LARGE1: variants seen among roughly 807,000 people sequenced by gnomAD.
The protein encoded by LARGE1 is LARGE xylosyl- and glucuronyltransferase 1, also known as xylosyl- and glucuronyltransferase LARGE1.
LARGE1 carries 43 observed loss-of-function variants against 87.6 expected under a neutral mutation model. The ratio of observed to expected loss-of-function variants is 0.49; its 90% confidence interval spans 0.38 to 0.63. The LOEUF (loss-of-function observed/expected upper bound fraction) is 0.63, where lower values mean the gene tolerates loss of function less well. Among genes scored for constraint, LARGE1 ranks in the 30% least tolerant of loss-of-function variants. LARGE1 has a pLI of 0.00. For synonymous variants in LARGE1, 434 were observed against 394.6 expected, an observed-to-expected ratio of 1.10 and a Z score of -1.18; for missense variants, 802 against 1,000.2, an observed-to-expected ratio of 0.80 and a Z score of 2.67.
At chr22:33,215,790 TACTAAAAATACAAA>T (rs1925175234) in intron 11 of LARGE1, among the ~76,000 whole-genome samples, 2 of 152,170 alleles carry the variant, frequency 1.3e-5, no homozygotes, top group Non-Finnish European at 2.9e-5. Context: ...ATCCCGTCTC[TACTAAAAATACAAA>T]GATTAGCCAG....
Position 33,750,660 on chromosome 22 carries a change from C to T in LARGE1, c.106+10711G>A, listed in dbSNP as rs146187955. 1.2e-4 allele frequency: 18 copies of T among 151,632 alleles called. No individual in the cohort carries two copies. In the East Asian group the frequency reaches 3.3e-3, roughly 28 times the overall value. The allele number at this position is 151,632 out of a possible 1,614,324, so 9.4% of individuals were successfully genotyped here. On this transcript the variant is annotated intron_variant, in intron 2 of 14. Coordinates refer to ENST00000397394, the MANE Select transcript of LARGE1 (RefSeq NM_133642.5). ...TGAATAACACAAAGGAGAATATTATCTAATGTGGCTTGGGGTCAATATCAA... is the reference window on the plus strand; with the variant it reads ...TGAATAACACAAAGGAGAATATTATTTAATGTGGCTTGGGGTCAATATCAA...
intron 4 of LARGE1, among the ~76,000 whole-genome samples, chr22:33,625,423 A>G (rs907116314): frequency 1.3e-5 from 2 of 152,188 alleles, no homozygotes; most frequent in African/African-American, 2.4e-5. Context: ...AGAAGAACCA[A>G]TCCTTAGGAT....
At chr22:33,745,281 T>C (rs2084038164) in intron 2 of LARGE1, among the ~76,000 whole-genome samples, 1 of 152,050 alleles carries the variant, frequency 6.6e-6, no homozygotes, top group South Asian at 2.1e-4. Flanking sequence ...CAAGAGCTAT[T>C]AGGAAGAAGA....
At chr22:33,764,341 A>C (rs867111398) in intron 1 of LARGE1, among the ~76,000 whole-genome samples, 2 of 152,152 alleles carry the variant, frequency 1.3e-5, no homozygotes, top group Non-Finnish European at 2.9e-5. Context: ...AGGACCCCCC[A>C]CAGATACCAA....
chr22:33,510,978 T>C (rs1449109859), intron 6 of LARGE1, among the ~76,000 whole-genome samples: 2 of 152,186 alleles, frequency 1.3e-5, no homozygotes, highest in African/African-American at 2.4e-5. Flanking sequence ...AAGGCAAGCA[T>C]ATATACAAAT....
intron 5 of LARGE1, among the ~76,000 whole-genome samples, chr22:33,600,623 A>AGAAATAATCTGTTCAAAGG (rs138805657): frequency 0.085 from 12,928 of 152,194 alleles, 672 homozygotes; most frequent in African/African-American, 0.14. Flanking sequence ...AATAAATAGA[A>AGAAATAATCTGTTCAAAGG]CGCTCTGGTG....
Position 33,283,963 on chromosome 22 carries a change from T to C in LARGE1, c.1731-615A>G, listed in dbSNP as rs572572135. Among the ~76,000 whole-genome samples the C allele has an allele frequency of 1.7e-3, 259 of 151,684 alleles. 4 individuals carry two copies. Among genetic ancestry groups the C allele is most frequent in the African/African-American group, 6.1e-3 (250 of 41,318 alleles). ...GAAAAGGAAAAGAAAAGAAGAAAGA[T>C]GGGGAGCCCTGGGAGGCAAAGCAAG... On this transcript the variant is annotated intron_variant, in intron 12 of 14. Transcript: ENST00000397394.
At chr22:33,154,293 T>G in the LARGE1 span, among the ~76,000 whole-genome samples, 3 of 152,270 alleles carry the variant, frequency 2.0e-5, no homozygotes, top group East Asian at 3.9e-4. Context: ...CAGGTTGGAG[T>G]GCAGTGGCAT....
intron 7 of LARGE1, among the ~76,000 whole-genome samples, chr22:33,398,092 T>A (rs1490168399): frequency 1.3e-5 from 2 of 152,078 alleles, no homozygotes; most frequent in Non-Finnish European, 2.9e-5. Flanking sequence ...AATGAGCGAA[T>A]TTCTGGCTTT....
chr22:33,517,457 G>A (rs951868132), intron 6 of LARGE1, among the ~76,000 whole-genome samples: 1 of 152,106 alleles, frequency 6.6e-6, no homozygotes. Context: ...GTGCAGTGGT[G>A]CAATCTTGGC....
At chr22:33,782,897 AAAG>A (rs2085470187) in intron 1 of LARGE1, among the ~76,000 whole-genome samples, 1 of 150,710 alleles carries the variant, frequency 6.6e-6, no homozygotes, top group Admixed American at 6.6e-5. Flanking sequence ...AAAAAAAAAA[AAAG>A]AGAGAGAGAG....
chr22:33,676,372 C>CAAAAAAA lies in LARGE1; in HGVS notation c.107-25711_107-25705dup. ...ACATCATATGTTACAGATTCAATGG[C>CAAAAAAA]AAAAAAAAAAAAAAAAAAAAAAAAA... is the stretch of plus-strand genomic sequence containing the variant. On this transcript the variant is annotated intron_variant, in intron 2 of 14. Coordinates refer to ENST00000397394, the MANE Select transcript of LARGE1 (RefSeq NM_133642.5). 1.8e-3 allele frequency among the ~76,000 whole-genome samples: 30 copies of CAAAAAAA among 16,302 alleles called. 5 individuals are homozygous for CAAAAAAA. The highest frequency in any genetic ancestry group is 5.7e-3 in the South Asian group (1 of 176). 10.7% of individuals were successfully genotyped at this position (16,302 alleles called of 152,430 possible).
chr22:33,922,279 T>TGGGGGGGGGGGGGGGGGGGGG (rs1555893682), upstream of LARGE1: 1 of 63,514 alleles, frequency 1.6e-5, no homozygotes, highest in Non-Finnish European at 3.3e-5. Flanking sequence ...GCTGGGGGGG[T>TGGGGGGGGGGGGGGGGGGGGG]GGGGCGGCAA....
chr22:33,713,982 GTAACATAACATAACATAACA>G (rs71187278), intron 2 of LARGE1, among the ~76,000 whole-genome samples: 36 of 126,250 alleles, frequency 2.9e-4, no homozygotes, highest in African/African-American at 7.5e-4. Flanking sequence ...GTAACATAAC[GTAACATAACATAACATAACA>G]TAACATAACA....
intron 2 of LARGE1, among the ~76,000 whole-genome samples, chr22:33,730,211 T>C (rs1432353754): frequency 6.6e-6 from 1 of 152,210 alleles, no homozygotes; most frequent in African/African-American, 2.4e-5. Flanking sequence ...TTCTACTTAA[T>C]ACATAGTAAA....
At chr22:33,684,325 A>G (rs1247912479) in intron 2 of LARGE1, among the ~76,000 whole-genome samples, 1 of 151,946 alleles carries the variant, frequency 6.6e-6, no homozygotes, top group Admixed American at 6.6e-5. Flanking sequence ...TATCAAGGCC[A>G]ACGGGAGTGC....
chr22:33,117,179 CCTAT>C, the LARGE1 span, among the ~76,000 whole-genome samples: 11 of 152,342 alleles, frequency 7.2e-5, no homozygotes, highest in Admixed American at 6.5e-4. Context: ...TTCCTACTTA[CCTAT>C]CTAATTCTGG....
At chr22:33,912,758 T>C (rs1015947839) in intron 1 of LARGE1, among the ~76,000 whole-genome samples, 1 of 124,144 alleles carries the variant, frequency 8.1e-6, no homozygotes, top group African/African-American at 3.1e-5. Context: ...TCATAAGAGA[T>C]AAAGGAAGAA....
intron 11 of LARGE1, among the ~76,000 whole-genome samples, chr22:33,243,951 G>A (rs546660342): frequency 2.1e-4 from 32 of 152,112 alleles, no homozygotes; most frequent in African/African-American, 6.5e-4. Flanking sequence ...TAAATAATGT[G>A]GTCATTTCAC....
Sources: allele counts gnomAD v4.1 joint callset (sites outside exome capture counted in the v4.1 genomes callset), GRCh38; gene constraint gnomAD v4.1.1; transcripts MANE v1.5; gene names NCBI Gene and HGNC (gene_info 2026-07-23, HGNC 2026-07-21).